Variants in PRKG1 observed in about 807,000 individuals in gnomAD.
PRKG1 encodes cGMP-dependent protein kinase 1.
A neutral mutation model predicts 88.1 loss-of-function variants in PRKG1; 35 were observed. The observed-to-expected ratio is 0.40, with a 90% CI of 0.30 to 0.53. The LOEUF is 0.53. Ranked by LOEUF, PRKG1 falls within the 20% of genes least tolerant of loss-of-function variation. The pLI is 0.59. For missense variants in PRKG1, 540 were observed against 839.8 expected, an observed-to-expected ratio of 0.64 and a Z score of 4.41; for synonymous variants, 303 against 292.5, an observed-to-expected ratio of 1.04 and a Z score of -0.37.
At chr10:51,911,013 G>A (rs373011049) in intron 5 of PRKG1, 2 of 152,250 alleles carry the variant, frequency 1.3e-5, no homozygotes, top group African/African-American at 4.8e-5. Context: ...TTAGCTGGTG[G>A]TTTATTGAAG....
In PRKG1 at chr10:51,945,877, C is replaced by T. The variant is rs1387554931; in HGVS notation, c.762+38307C>T. On this transcript the variant is annotated intron_variant, in intron 5 of 17. Coordinates refer to ENST00000373980, the MANE Select transcript of PRKG1 (RefSeq NM_006258.4). ...TGGGTAACCCGACCTTTCTCTCTGG[C>T]TGCCCTTAACATTTTTTCCTTCATT... is the stretch of plus-strand genomic sequence containing the variant. Among the ~76,000 whole-genome samples, 15 of 151,538 alleles carry T rather than the reference C, an allele frequency of 9.9e-5. 1 individual carries two copies. Among genetic ancestry groups the T allele is most frequent in the African/African-American group, 3.4e-4 (14 of 40,918 alleles).
chr10:51,726,845 C>T (rs897566736), intron 3 of PRKG1, among the ~76,000 whole-genome samples: 34 of 152,120 alleles, frequency 2.2e-4, no homozygotes, highest in African/African-American at 7.2e-4. Context: ...GGCACGATCT[C>T]CTCTCACTGC....
chr10:51,413,880 T>C (rs1393146864), intron 2 of PRKG1, among the ~76,000 whole-genome samples: 1 of 152,196 alleles, frequency 6.6e-6, no homozygotes, highest in Admixed American at 6.5e-5. Flanking sequence ...CTGTTGTTGT[T>C]GTTAGTTTGA....
chr10:51,000,774 A>C (rs1842881122), intron 1 of PRKG1, among the ~76,000 whole-genome samples: 2 of 152,190 alleles, frequency 1.3e-5, no homozygotes, highest in African/African-American at 2.4e-5. Context: ...GTGTAAAAAT[A>C]CAGATTGTGC....
At chr10:51,330,296 A>C (rs1007883756) in intron 2 of PRKG1, among the ~76,000 whole-genome samples, 2 of 151,476 alleles carry the variant, frequency 1.3e-5, no homozygotes, top group African/African-American at 4.9e-5. Flanking sequence ...GATTGCAGGC[A>C]TGCGCAACCA....
intron 1 of PRKG1, among the ~76,000 whole-genome samples, chr10:51,077,045 G>GA (rs938262325): frequency 2.0e-5 from 3 of 151,984 alleles, no homozygotes; most frequent in Non-Finnish European, 4.4e-5. Flanking sequence ...AAGAAAACTA[G>GA]AAAAAAATTG....
rs189202999 is a variant in PRKG1, at chr10:52,104,000, G to A, written c.936-29840G>A. Among the ~76,000 whole-genome samples the A allele has an allele frequency of 3.1e-4, 43 of 137,874 alleles. No individual in the cohort carries two copies. The East Asian group carries it at 5.9e-3, about 19-fold the overall frequency. The allele number at this position is 137,874 out of a possible 152,430, so 90.5% of individuals were successfully genotyped here. On this transcript the variant is annotated intron_variant, in intron 7 of 17. Transcript: ENST00000373980. ...ATTATGACTTCATGTGTGTGTGTGT[G>A]TATATATAATATATATATATATATA...
chr10:51,602,732 A>ATGTGTGTGTGTG (rs4041278), intron 3 of PRKG1, among the ~76,000 whole-genome samples: 15 of 128,914 alleles, frequency 1.2e-4, no homozygotes, highest in African/African-American at 4.5e-4. Context: ...ATTAATATAT[A>ATGTGTGTGTGTG]TGTGTGTGTG....
intron 5 of PRKG1, among the ~76,000 whole-genome samples, chr10:52,014,382 A>ATAGGG: frequency 6.6e-6 from 1 of 152,186 alleles, no homozygotes; most frequent in East Asian, 1.9e-4. Flanking sequence ...ATCCCATGAG[A>ATAGGG]ACTCATGCAC....
In PRKG1 at chr10:51,125,268, G is replaced by A. The variant is rs373188686; in HGVS notation, c.312-27896G>A. Among the ~76,000 whole-genome samples the A allele has an allele frequency of 1.1e-3, 172 of 152,088 alleles. 1 individual carries two copies. Among genetic ancestry groups the A allele is most frequent in the African/African-American group, 4.0e-3 (167 of 41,470 alleles). ...GAGCCTGGAAAATAGAGGTGGCAGT[G>A]AGCCAAGATAGCACCACTGCACTCC... On this transcript the variant is annotated intron_variant, in intron 1 of 17. Transcript: ENST00000373980.
intron 5 of PRKG1, among the ~76,000 whole-genome samples, chr10:51,971,134 T>C (rs1189568589): frequency 1.3e-5 from 2 of 151,854 alleles, no homozygotes; most frequent in African/African-American, 4.8e-5. Context: ...ATCCATAGCA[T>C]TAGATGTCAG....
chr10:52,113,789 C>A (rs191348664), intron 7 of PRKG1, among the ~76,000 whole-genome samples: 9 of 152,088 alleles, frequency 5.9e-5, no homozygotes, highest in African/African-American at 2.2e-4. Context: ...ATTTAATTAG[C>A]AAGTTAGGTG....
chr10:52,088,095 C>G (rs993682262), intron 7 of PRKG1, among the ~76,000 whole-genome samples: 3 of 152,192 alleles, frequency 2.0e-5, no homozygotes, highest in East Asian at 3.9e-4. Context: ...CTGCTTAACT[C>G]TAATCTGTGG....
intron 4 of PRKG1, among the ~76,000 whole-genome samples, chr10:51,817,662 G>A (rs1465977897): frequency 6.6e-6 from 1 of 152,058 alleles, no homozygotes; most frequent in African/African-American, 2.4e-5. Flanking sequence ...ATAAACATAT[G>A]TGTTGTTGTT....
intron 3 of PRKG1, among the ~76,000 whole-genome samples, chr10:51,705,885 G>A (rs916769885): frequency 2.6e-5 from 4 of 152,116 alleles, no homozygotes; most frequent in South Asian, 2.1e-4. Flanking sequence ...GTGGCATAAC[G>A]ACAACCTGAA....
intron 4 of PRKG1, among the ~76,000 whole-genome samples, chr10:51,806,437 TAAA>T (rs1839310101): frequency 6.6e-6 from 1 of 152,198 alleles, no homozygotes. Context: ...TCTTAAACAA[TAAA>T]ATTGGCTCTC....
intron 1 of PRKG1, among the ~76,000 whole-genome samples, chr10:51,046,087 C>T (rs1224533560): frequency 1.3e-5 from 2 of 152,234 alleles, no homozygotes; most frequent in African/African-American, 2.4e-5. Context: ...GAAATGTAAC[C>T]ACTGAAGCCA....
chr10:51,660,671 T>C (rs1478027656), intron 3 of PRKG1, among the ~76,000 whole-genome samples: 4 of 152,098 alleles, frequency 2.6e-5, no homozygotes, highest in Non-Finnish European at 5.9e-5. Flanking sequence ...TTCTGAAATT[T>C]ATTATTGAAA....
chr10:51,093,268 C>G (rs574224063), intron 1 of PRKG1, among the ~76,000 whole-genome samples: 19 of 152,252 alleles, frequency 1.2e-4, no homozygotes, highest in Non-Finnish European at 2.6e-4. Context: ...TTTAACCACC[C>G]ATCTAGGTGA....
Sources: gnomAD v4.1 joint callset for allele counts (sites outside exome capture counted in the v4.1 genomes callset) on GRCh38, gnomAD v4.1.1 for gene constraint, MANE v1.5 for transcripts, NCBI Gene and HGNC (gene_info 2026-07-23, HGNC 2026-07-21) for gene names.